Variants in CTNNA2 observed in about 807,000 individuals in gnomAD.
The protein encoded by CTNNA2 is catenin alpha 2, also known as catenin alpha-2.
In CTNNA2, 42 loss-of-function variants were observed where a neutral mutation model predicts 101.0. The ratio of observed to expected loss-of-function variants is 0.42; its 90% CI spans 0.32 to 0.54. The LOEUF is 0.54. CTNNA2 is among the 20% of genes least tolerant of loss of function. The probability of loss-of-function intolerance (pLI) is 0.14; values close to 1 mark genes in which losing one functional copy is unlikely to be tolerated. For synonymous variants in CTNNA2, 450 were observed against 456.4 expected (o/e 0.99, Z 0.18); for missense variants, 871 against 1,223.1 (o/e 0.71, Z 4.29).
intron 15 of CTNNA2, among the ~76,000 whole-genome samples, chr2:80,591,080 T>C (rs1350691313): frequency 6.6e-6 from 1 of 152,154 alleles, no homozygotes; most frequent in Non-Finnish European, 1.5e-5. Context: ...CTAGTTTTGA[T>C]CAGGAGCACA....
chr2:80,015,874 G>A (rs753025462), intron 7 of CTNNA2, among the ~76,000 whole-genome samples: 8 of 152,304 alleles, frequency 5.3e-5, no homozygotes, highest in Non-Finnish European at 8.8e-5. Flanking sequence ...AAAAGGAAAT[G>A]TAAGGAGGAA....
At chr2:79,388,869 C>T (rs1678136364) in intron 4 of CTNNA2, among the ~76,000 whole-genome samples, 1 of 151,882 alleles carries the variant, frequency 6.6e-6, no homozygotes, top group Non-Finnish European at 1.5e-5. Flanking sequence ...TTTTTCTTGG[C>T]TTCATCCCAG....
chr2:79,808,624 A>C (rs746539969), intron 3 of CTNNA2, among the ~76,000 whole-genome samples: 3 of 152,136 alleles, frequency 2.0e-5, no homozygotes, highest in Non-Finnish European at 2.9e-5. Flanking sequence ...TTGGTTTTAC[A>C]TTTAAGAAAT....
intron 7 of CTNNA2, among the ~76,000 whole-genome samples, chr2:79,940,623 C>T (rs1688091427): frequency 6.6e-6 from 1 of 152,166 alleles, no homozygotes; most frequent in African/African-American, 2.4e-5. Flanking sequence ...TGTCAGCAAC[C>T]TCTCTTTCTG....
At chr2:80,509,244 C>T (rs965368978) in intron 9 of CTNNA2, among the ~76,000 whole-genome samples, 1 of 152,140 alleles carries the variant, frequency 6.6e-6, no homozygotes, top group Admixed American at 6.6e-5. Flanking sequence ...ACTTGAGGCT[C>T]AGGGAAGGCA....
At chr2:79,857,167 T>C (rs1681208210) in intron 3 of CTNNA2, among the ~76,000 whole-genome samples, 1 of 152,178 alleles carries the variant, frequency 6.6e-6, no homozygotes, top group Non-Finnish European at 1.5e-5. Context: ...TCCCCACCTT[T>C]GTTTTCCTGG....
At chr2:80,337,204 C>T (rs145207356) in intron 7 of CTNNA2, among the ~76,000 whole-genome samples, 11,284 of 151,898 alleles carry the variant, frequency 0.074, 426 homozygotes, top group Non-Finnish European at 0.088. Context: ...AAATACAAAA[C>T]ATTAGCCGGG....
intron 2 of CTNNA2, among the ~76,000 whole-genome samples, chr2:79,233,256 TC>T (rs1376828135): frequency 6.6e-6 from 1 of 152,198 alleles, no homozygotes; most frequent in Non-Finnish European, 1.5e-5. Context: ...AAGGTGTGTC[TC>T]TATATTCATT....
At chr2:79,624,957 C>G (rs1337584354) in intron 1 of CTNNA2, among the ~76,000 whole-genome samples, 1 of 151,872 alleles carries the variant, frequency 6.6e-6, no homozygotes, top group Admixed American at 6.6e-5. Flanking sequence ...ACTTTTTGCT[C>G]TTAGTGGCAA....
intron 9 of CTNNA2, among the ~76,000 whole-genome samples, chr2:80,492,624 G>T (rs538323133): frequency 6.6e-6 from 1 of 152,130 alleles, no homozygotes; most frequent in South Asian, 2.1e-4. Context: ...CCTAGCTTCT[G>T]TCTTTTCTTT....
At chr2:79,536,397 G>A (rs748100650) in intron 1 of CTNNA2, among the ~76,000 whole-genome samples, 2 of 152,148 alleles carry the variant, frequency 1.3e-5, no homozygotes, top group Non-Finnish European at 2.9e-5. Flanking sequence ...AGCTAATAGT[G>A]TACAGCTTCA....
chr2:80,113,470 G>A (rs1002218990), intron 7 of CTNNA2, among the ~76,000 whole-genome samples: 3 of 152,222 alleles, frequency 2.0e-5, no homozygotes, highest in Non-Finnish European at 1.5e-5. Flanking sequence ...GTAGTCCATA[G>A]ATTGGGAGTC....
chr2:80,024,243 G>T (rs928305331), intron 7 of CTNNA2, among the ~76,000 whole-genome samples: 1 of 152,140 alleles, frequency 6.6e-6, no homozygotes, highest in African/African-American at 2.4e-5. Flanking sequence ...ATGTAAGAGG[G>T]AATGCTGCCT....
chr2:80,352,614 G>A (rs555164124), intron 7 of CTNNA2, among the ~76,000 whole-genome samples: 1 of 152,222 alleles, frequency 6.6e-6, no homozygotes, highest in East Asian at 1.9e-4. Context: ...TCTAAGAATT[G>A]TAAAGGAATG....
chr2:80,059,891 C>A (rs568238547), intron 7 of CTNNA2, among the ~76,000 whole-genome samples: 7 of 152,328 alleles, frequency 4.6e-5, no homozygotes, highest in South Asian at 4.1e-4. Flanking sequence ...CATTCAGGAA[C>A]AAATTCCCCA....
At chr2:80,110,172 C>T (rs996208451) in intron 7 of CTNNA2, among the ~76,000 whole-genome samples, 1 of 152,160 alleles carries the variant, frequency 6.6e-6, no homozygotes, top group Non-Finnish European at 1.5e-5. Context: ...GTTCCAACTG[C>T]CCAGTCAGAC....
At chr2:79,728,926 A>G (rs1190035192) in intron 2 of CTNNA2, among the ~76,000 whole-genome samples, 2 of 152,068 alleles carry the variant, frequency 1.3e-5, no homozygotes, top group Non-Finnish European at 2.9e-5. Context: ...GTTCTGTTCC[A>G]TTGATCTATA....
intron 7 of CTNNA2, among the ~76,000 whole-genome samples, chr2:80,130,884 T>G (rs1407815767): frequency 6.6e-6 from 1 of 151,404 alleles, no homozygotes; most frequent in Non-Finnish European, 1.5e-5. Flanking sequence ...GTAGGCCAAC[T>G]CTAAGAAAAT....
chr2:79,751,754 A>G (rs1672063031), intron 3 of CTNNA2, among the ~76,000 whole-genome samples: 1 of 152,080 alleles, frequency 6.6e-6, no homozygotes, highest in Non-Finnish European at 1.5e-5. Context: ...CTTAAATGAT[A>G]TTTTAGAAAG....
Sources: gnomAD v4.1 joint callset for allele counts (sites outside exome capture counted in the v4.1 genomes callset) on GRCh38, gnomAD v4.1.1 for gene constraint, MANE v1.5 for transcripts, NCBI Gene and HGNC (gene_info 2026-07-23, HGNC 2026-07-21) for gene names.